POU6F2: variants seen among roughly 807,000 people sequenced by gnomAD.
The protein encoded by POU6F2 is POU class 6 homeobox 2.
Under a neutral mutation model 71.3 loss-of-function variants are expected in POU6F2, and 31 were observed. The ratio of observed to expected loss-of-function variants is 0.43; its 90% CI spans 0.33 to 0.59. POU6F2 has a LOEUF of 0.59. Among genes scored for constraint, POU6F2 ranks in the 20% least tolerant of loss-of-function variants. POU6F2 has a pLI of 0.04. For synonymous variants in POU6F2, 347 were observed against 355.7 expected (o/e 0.98, Z 0.27); for missense variants, 783 against 856.8 (o/e 0.91, Z 1.07).
chr7:39,017,593 T>G (rs1215460433), intron 1 of POU6F2, among the ~76,000 whole-genome samples: 1 of 152,086 alleles, frequency 6.6e-6, no homozygotes, highest in Non-Finnish European at 1.5e-5. Flanking sequence ...TGCTTCTAAG[T>G]GAACTTCCCC....
rs76798431 is a variant in POU6F2 at position 39,405,893 on chromosome 7, A to G, written c.973-707A>G. 8.5e-3 allele frequency: 1,295 copies of G among 152,312 alleles called. 16 individuals carry two copies. The highest frequency in any genetic ancestry group is 0.027 in the Middle Eastern group (8 of 294). 9.4% of individuals were successfully genotyped at this position (152,312 alleles called of 1,614,324 possible). The stretch of plus-strand genomic sequence containing the variant: ...GTCCCAGGAAAGAGGCTGAGGAAAG[A>G]CCATGTATCAGCTACAACAGCAAGC... On this transcript the variant is annotated intron_variant, in intron 5 of 9. Coordinates refer to ENST00000518318, the MANE Select transcript of POU6F2 (RefSeq NM_001370959.1).
At chr7:39,183,016 C>T (rs1793466096) in intron 2 of POU6F2, among the ~76,000 whole-genome samples, 1 of 152,184 alleles carries the variant, frequency 6.6e-6, no homozygotes, top group Non-Finnish European at 1.5e-5. Context: ...AGACTGGGAC[C>T]AGTTCATGGC....
intron 8 of POU6F2, among the ~76,000 whole-genome samples, chr7:39,457,803 A>G (rs999086066): frequency 2.6e-5 from 4 of 152,082 alleles, no homozygotes; most frequent in Non-Finnish European, 4.4e-5. Context: ...CCATCTTTTC[A>G]GTTTCAAACC....
At chr7:39,277,823 C>T (rs1290299398) in intron 4 of POU6F2, among the ~76,000 whole-genome samples, 3 of 152,016 alleles carry the variant, frequency 2.0e-5, no homozygotes, top group East Asian at 1.9e-4. Context: ...CTTTGGGAGG[C>T]CATGGCGGGC....
intron 4 of POU6F2, among the ~76,000 whole-genome samples, chr7:39,221,719 C>T (rs1027223173): frequency 3.9e-5 from 6 of 151,944 alleles, no homozygotes; most frequent in Non-Finnish European, 7.4e-5. Context: ...AAAATTAGTA[C>T]GCTTTTTACT....
intron 2 of POU6F2, among the ~76,000 whole-genome samples, chr7:39,118,946 C>A (rs568265310): frequency 6.6e-6 from 1 of 152,294 alleles, no homozygotes; most frequent in South Asian, 2.1e-4. Context: ...AGAAAATGAT[C>A]AAGCCATGTG....
At chr7:39,229,052 T>C (rs1420307499) in intron 4 of POU6F2, among the ~76,000 whole-genome samples, 2 of 152,220 alleles carry the variant, frequency 1.3e-5, no homozygotes, top group Admixed American at 1.3e-4. Context: ...TAGTGAGCCA[T>C]GGTTGTGGAA....
intron 5 of POU6F2, among the ~76,000 whole-genome samples, chr7:39,354,860 T>TATTG (rs1786221216): frequency 6.6e-6 from 1 of 152,218 alleles, no homozygotes; most frequent in Non-Finnish European, 1.5e-5. Context: ...AAACAGAGAT[T>TATTG]ATTGGAAAGG....
At chr7:39,324,564 T>C (rs1484311616) in intron 4 of POU6F2, among the ~76,000 whole-genome samples, 8 of 152,236 alleles carry the variant, frequency 5.3e-5, no homozygotes, top group Admixed American at 1.3e-4. Context: ...TGAGGTTGCT[T>C]GTTATCGCAG....
At chr7:39,450,354 A>C (rs1788629268) in intron 7 of POU6F2, among the ~76,000 whole-genome samples, 1 of 152,180 alleles carries the variant, frequency 6.6e-6, no homozygotes, top group African/African-American at 2.4e-5. Flanking sequence ...TGGATATGAA[A>C]GCACTTTACA....
At chr7:39,089,076 A>G (rs567963698) in intron 2 of POU6F2, among the ~76,000 whole-genome samples, 1 of 152,328 alleles carries the variant, frequency 6.6e-6, no homozygotes, top group South Asian at 2.1e-4. Flanking sequence ...GAGAAGCCAT[A>G]TGCCAGCCTA....
At chr7:39,395,043 C>T (rs1344965694) in intron 5 of POU6F2, among the ~76,000 whole-genome samples, 1 of 152,156 alleles carries the variant, frequency 6.6e-6, no homozygotes, top group East Asian at 1.9e-4. Flanking sequence ...TGCCCTATTG[C>T]TCCCAGCTAC....
chr7:39,041,155 A>C (rs1353430809), intron 1 of POU6F2, among the ~76,000 whole-genome samples: 1 of 151,962 alleles, frequency 6.6e-6, no homozygotes, highest in African/African-American at 2.4e-5. Context: ...AATGTACCAC[A>C]GGCCTTGTTC....
At chr7:39,197,155 C>T (rs1382221837) in intron 2 of POU6F2, among the ~76,000 whole-genome samples, 1 of 152,182 alleles carries the variant, frequency 6.6e-6, no homozygotes, top group Non-Finnish European at 1.5e-5. Context: ...CAGGACAGGA[C>T]GGGCTCTGGC....
chr7:39,442,946 G>C (rs1200584617), intron 7 of POU6F2, among the ~76,000 whole-genome samples: 4 of 152,170 alleles, frequency 2.6e-5, no homozygotes, highest in Non-Finnish European at 5.9e-5. Flanking sequence ...GAGTAGTACA[G>C]TTTTGATCCA....
intron 4 of POU6F2, among the ~76,000 whole-genome samples, chr7:39,269,859 T>C (rs1342484536): frequency 6.6e-6 from 1 of 152,206 alleles, no homozygotes; most frequent in Non-Finnish European, 1.5e-5. Context: ...GTGTTGCTAT[T>C]GTGAAGACCA....
intron 5 of POU6F2, among the ~76,000 whole-genome samples, chr7:39,366,944 G>A (rs936425245): frequency 2.0e-5 from 3 of 152,126 alleles, no homozygotes; most frequent in Non-Finnish European, 2.9e-5. Context: ...AGGGTAGACT[G>A]TGGTGCCAGC....
intron 2 of POU6F2, among the ~76,000 whole-genome samples, chr7:39,177,030 C>T (rs1453105232): frequency 6.6e-6 from 1 of 152,184 alleles, no homozygotes; most frequent in Non-Finnish European, 1.5e-5. Flanking sequence ...CTATGGCTCA[C>T]TCAGTTTAAA....
chr7:39,325,959 G>A (rs1189016438), intron 4 of POU6F2, among the ~76,000 whole-genome samples: 2 of 152,086 alleles, frequency 1.3e-5, no homozygotes, highest in Non-Finnish European at 2.9e-5. Flanking sequence ...TATGGCTTAT[G>A]GGTTCTCTTC....
Sources: allele counts gnomAD v4.1 joint callset (sites outside exome capture counted in the v4.1 genomes callset), GRCh38; gene constraint gnomAD v4.1.1; transcripts MANE v1.5; gene names NCBI Gene and HGNC (gene_info 2026-07-23, HGNC 2026-07-21).